Variants in ATP11A observed in about 807,000 individuals in gnomAD.
ATP11A encodes phospholipid-transporting ATPase IH.
In ATP11A, 81 loss-of-function variants were observed where a neutral mutation model predicts 154.4. The observed-to-expected ratio is 0.52, with a 90% CI of 0.44 to 0.63. ATP11A has a LOEUF of 0.63. ATP11A is among the 30% of genes least tolerant of loss of function. ATP11A has a pLI of 0.00. For missense variants in ATP11A, 1,316 were observed against 1,474.3 expected, an observed-to-expected ratio of 0.89 and a Z score of 1.76; for synonymous variants, 623 against 585.9, an observed-to-expected ratio of 1.06 and a Z score of -0.91.
intron 20 of ATP11A, 122 bp downstream of exon 20, chr13:112,856,207 G>A (rs1285287131): frequency 2.0e-6 from 2 of 988,304 alleles, no homozygotes; most frequent in South Asian, 3.4e-5. Context: ...GTTAAAAATA[G>A]AAGCAACCGT....
chr13:112,876,008 G>A (rs1278756), intron 28 of ATP11A, 67 bp downstream of exon 28: 540,906 of 1,524,788 alleles, frequency 0.35, 98,615 homozygotes, highest in South Asian at 0.43. Flanking sequence ...GGAGATGACC[G>A]TTTTGAAAGA....
chr13:112,799,982 T>C (rs1244546877), intron 2 of ATP11A, among the ~76,000 whole-genome samples: 1 of 152,140 alleles, frequency 6.6e-6, no homozygotes, highest in Non-Finnish European at 1.5e-5. Context: ...AAAAATATTT[T>C]AAGCTAAACA....
chr13:112,745,224 C>G (rs1891994902), intron 1 of ATP11A, among the ~76,000 whole-genome samples: 1 of 152,206 alleles, frequency 6.6e-6, no homozygotes, highest in South Asian at 2.1e-4. Context: ...GCTACCACGC[C>G]TGGCTAATTT....
chr13:112,801,557 A>G (rs1007272054), intron 2 of ATP11A, among the ~76,000 whole-genome samples: 6 of 152,366 alleles, frequency 3.9e-5, no homozygotes, highest in Admixed American at 2.6e-4. Flanking sequence ...AGAACCAACA[A>G]TAACAAAAAA....
At chr13:112,841,246 C>T (rs1341435146) in intron 16 of ATP11A, among the ~76,000 whole-genome samples, 10 of 146,390 alleles carry the variant, frequency 6.8e-5, no homozygotes, top group Middle Eastern at 3.3e-3. Flanking sequence ...GCTTCAGGTG[C>T]AGAGGGGGCT....
intron 19 of ATP11A, 118 bp from the exon 20 acceptor site, chr13:112,855,793 C>G: frequency 1.1e-6 from 1 of 907,240 alleles, no homozygotes; most frequent in Non-Finnish European, 1.7e-6. Context: ...AAACAAGAAA[C>G]ACTAGTTTCT....
At chr13:112,769,734 G>A (rs2077182129) in intron 1 of ATP11A, among the ~76,000 whole-genome samples, 1 of 152,214 alleles carries the variant, frequency 6.6e-6, no homozygotes, top group African/African-American at 2.4e-5. Context: ...GGGTGGGCGA[G>A]CCTGCCCAGT....
intron 2 of ATP11A, among the ~76,000 whole-genome samples, chr13:112,800,782 A>G (rs994265651): frequency 1.3e-5 from 2 of 152,238 alleles, no homozygotes; most frequent in African/African-American, 2.4e-5. Flanking sequence ...TCAACAATGT[A>G]TAAAAAGAAT....
intron 17 of ATP11A, among the ~76,000 whole-genome samples, chr13:112,849,133 A>G (rs2079690849): frequency 1.3e-5 from 2 of 152,120 alleles, no homozygotes; most frequent in Non-Finnish European, 1.5e-5. Context: ...GATTTATGTC[A>G]TGTATTGCAT....
chr13:112,870,598 C>T (rs562780562), intron 25 of ATP11A, among the ~76,000 whole-genome samples: 19 of 152,330 alleles, frequency 1.2e-4, no homozygotes, highest in Non-Finnish European at 2.6e-4. Context: ...AGGCTGGTCT[C>T]AAACTCTTGA....
At chr13:112,787,490 C>T (rs1288012594) in intron 2 of ATP11A, among the ~76,000 whole-genome samples, 4 of 106,964 alleles carry the variant, frequency 3.7e-5, no homozygotes, top group Admixed American at 8.4e-5. Flanking sequence ...TAATTCACAC[C>T]GGGTGTCCTG....
chr13:112,744,462 G>A (rs921436464), intron 1 of ATP11A, among the ~76,000 whole-genome samples: 2 of 152,214 alleles, frequency 1.3e-5, no homozygotes, highest in Non-Finnish European at 2.9e-5. Flanking sequence ...GCTTATTTCT[G>A]TCCAGTGAAT....
intron 17 of ATP11A, among the ~76,000 whole-genome samples, chr13:112,844,009 G>A (rs1462567523): frequency 1.3e-5 from 2 of 152,208 alleles, no homozygotes; most frequent in East Asian, 3.8e-4. Flanking sequence ...GGGTTCCTCT[G>A]AGCAGCACAA....
At chr13:112,813,645 T>C (rs1314900576) in intron 5 of ATP11A, among the ~76,000 whole-genome samples, 1 of 152,236 alleles carries the variant, frequency 6.6e-6, no homozygotes, top group East Asian at 1.9e-4. Context: ...TGCTGGGTCA[T>C]CTAGCATATC....
Position 112,831,473 on chromosome 13 carries a change from C to A in ATP11A, c.1320C>A (p.Val440=), listed in dbSNP as rs771404598. 6.2e-7 allele frequency: 1 copy of A among 1,614,224 alleles called. No individual in the cohort carries two copies. The highest frequency in any genetic ancestry group is 8.5e-7 in the Non-Finnish European group (1 of 1,180,036). Residue 440 remains valine, a synonymous_variant, in exon 13 of 30, where the codon GTC becomes GTA. Transcript: ENST00000375645. ...CIEGHVYVPH[V]ICNGQVLPES... Reference sequence around the variant, plus strand: ...AAGGCCATGTCTACGTGCCCCACGTCATCTGCAACGGGCAGGTCCTCCCAG... The same window carrying A: ...AAGGCCATGTCTACGTGCCCCACGTAATCTGCAACGGGCAGGTCCTCCCAG...
At chr13:112,841,117 T>C (rs1400514671) in intron 16 of ATP11A, among the ~76,000 whole-genome samples, 1 of 152,174 alleles carries the variant, frequency 6.6e-6, no homozygotes, top group Non-Finnish European at 1.5e-5. Flanking sequence ...GAGTGCCACG[T>C]GGCTTCGCGG....
intron 25 of ATP11A, among the ~76,000 whole-genome samples, chr13:112,865,949 G>T (rs984606641): frequency 1.3e-5 from 2 of 152,202 alleles, no homozygotes; most frequent in African/African-American, 4.8e-5. Context: ...TTGCATTTTT[G>T]ATGTGGGAAT....
rs533368052 is a variant in ATP11A at position 112,880,707 on chromosome 13, C to T, written c.*10-1169C>T. 124 of 1,245,938 alleles carry T rather than the reference C, an allele frequency of 1.0e-4. No homozygotes were observed. The African/African-American group carries it at 1.8e-3, about 18-fold the overall frequency. The allele number at this position is 1,245,938 out of a possible 1,614,324, so 77.2% of individuals were successfully genotyped here. ...GCTGTGACTGTCAGACCCGTTTTTC[C>T]TCCAAAGTTGTGCTGTGCTGTGCTG... is the stretch of plus-strand genomic sequence containing the variant. On this transcript the variant is annotated intron_variant, in intron 29 of 29. Coordinates refer to ENST00000375645, the MANE Select transcript of ATP11A (RefSeq NM_015205.3).
At chr13:112,709,063 TG>T (rs1887466866) in intron 1 of ATP11A, among the ~76,000 whole-genome samples, 1 of 151,980 alleles carries the variant, frequency 6.6e-6, no homozygotes, top group Non-Finnish European at 1.5e-5. Flanking sequence ...GAGGGGGAAT[TG>T]GGTGTCCCCA....
Sources: allele counts gnomAD v4.1 joint callset (sites outside exome capture counted in the v4.1 genomes callset), GRCh38; gene constraint gnomAD v4.1.1; transcripts MANE v1.5; gene names NCBI Gene and HGNC (gene_info 2026-07-23, HGNC 2026-07-21).